The following SNX12 variants were observed in gnomAD, a reference collection of about 807,000 sequenced individuals.
SNX12 encodes sorting nexin-12.
For missense variants in SNX12, 62 were observed against 141.3 expected (o/e 0.44, Z 2.84); for synonymous variants, 47 against 56.0 (o/e 0.84, Z 0.71).
chrX:71,060,755 G>T lies in SNX12; in HGVS notation c.*261C>A. On this transcript the variant is annotated 3_prime_UTR_variant, in exon 4 of 4. Transcript: ENST00000374274. ...GGCATGGGTAAATGCCCAAGAAATT[G>T]CCTTCCAGTCTAATCCCCCCACCCA... The T allele has an allele frequency of 2.3e-5, 4 of 172,844 alleles. No homozygotes were observed. Among genetic ancestry groups the T allele is most frequent in the Non-Finnish European group, 4.3e-5 (4 of 93,509 alleles). 14.2% of individuals were successfully genotyped at this position (172,844 alleles called of 1,213,427 possible).
At chrX:71,068,076 T>G in intron 1 of SNX12, 66 bp downstream of exon 1, 7 of 868,554 alleles carry the variant, frequency 8.1e-6, no homozygotes, top group Non-Finnish European at 9.0e-6. Context: ...CGCGGTAGCC[T>G]CCCTCCCCCC....
chrX:71,060,482 G>C lies in SNX12; in HGVS notation c.*534C>G, dbSNP rs1400624900. On this transcript the variant is annotated 3_prime_UTR_variant, in exon 4 of 4. Coordinates refer to ENST00000374274, the MANE Select transcript of SNX12 (RefSeq NM_013346.4). ...CTGCCATGGAAAGCAACAAGGGAGAGAGAAAGCAACAAAAGAAACTGTTAA... is the reference window on the plus strand; with the variant it reads ...CTGCCATGGAAAGCAACAAGGGAGACAGAAAGCAACAAAAGAAACTGTTAA... The C allele has an allele frequency of 8.7e-6, 1 of 114,436 alleles. No individual in the cohort carries two copies. The highest frequency in any genetic ancestry group is 1.8e-5 in the Non-Finnish European group (1 of 55,171). The allele number at this position is 114,436 out of a possible 1,213,427, so 9.4% of individuals were successfully genotyped here. A position where few individuals can be genotyped will look rare whatever the true frequency, so the allele number is the denominator to read the frequency against.
upstream of SNX12, among the ~76,000 whole-genome samples, chrX:71,070,400 C>T (rs1308885383): frequency 2.7e-5 from 3 of 111,504 alleles, no homozygotes; most frequent in African/African-American, 6.5e-5. Context: ...ACGACTTGTA[C>T]GTGATTAGAT....
upstream of SNX12, among the ~76,000 whole-genome samples, chrX:71,068,728 A>G (rs780717225): frequency 5.0e-4 from 56 of 112,730 alleles, no homozygotes; most frequent in Non-Finnish European, 9.8e-4. Flanking sequence ...GCCGAAGCCC[A>G]GTGACCTGAA....
At chrX:71,071,921 C>T (rs1386406488), upstream of SNX12, among the ~76,000 whole-genome samples, 1 of 107,090 alleles carries the variant, frequency 9.3e-6, no homozygotes, top group African/African-American at 3.4e-5. Flanking sequence ...AAATGTAAAA[C>T]TATTTCCATT....
chrX:71,068,084 C>A (rs1260970089), intron 1 of SNX12, 58 bp downstream of exon 1: 156 of 1,073,739 alleles, frequency 1.5e-4, no homozygotes, highest in Non-Finnish European at 1.8e-4. Context: ...CCTCCCTCCC[C>A]CCTCCCGCTC....
intron 3 of SNX12, 70 bp from the exon 4 acceptor site, chrX:71,061,188 T>C: frequency 1.1e-6 from 1 of 920,256 alleles, no homozygotes; most frequent in Non-Finnish European, 1.5e-6. Flanking sequence ...GATGGGGATG[T>C]GGACAGGGGA....
chrX:71,067,541 C>T (rs2092158127), intron 1 of SNX12, among the ~76,000 whole-genome samples: 1 of 112,121 alleles, frequency 8.9e-6, no homozygotes, highest in Non-Finnish European at 1.9e-5. Flanking sequence ...CCTTCAGATG[C>T]TGATCCGACA....
At chrX:71,069,963 AAGAAAAG>A (rs1231100080), upstream of SNX12, among the ~76,000 whole-genome samples, 7 of 56,455 alleles carry the variant, frequency 1.2e-4, no homozygotes, top group South Asian at 5.1e-4. Flanking sequence ...AGAAAAGGAA[AAGAAAAG>A]AGAGAGAGAG....
intron 1 of SNX12, among the ~76,000 whole-genome samples, chrX:71,064,806 C>T (rs2092145430): frequency 8.8e-6 from 1 of 113,039 alleles, no homozygotes; most frequent in Admixed American, 9.3e-5. Flanking sequence ...CTAGTTATCT[C>T]CTTTCTCCAC....
upstream of SNX12, among the ~76,000 whole-genome samples, chrX:71,072,906 T>TACACAC (rs59544159): frequency 0.017 from 1,726 of 101,413 alleles, 12 homozygotes; most frequent in African/African-American, 0.036. Context: ...CTGGCTTCCA[T>TACACAC]ACACACACAC....
upstream of SNX12, among the ~76,000 whole-genome samples, chrX:71,072,906 TAC>T (rs59544159): frequency 0.31 from 31,213 of 100,794 alleles, 4,015 homozygotes; most frequent in Middle Eastern, 0.47. Context: ...CTGGCTTCCA[TAC>T]ACACACACAC....
chrX:71,059,937 C>T lies in SNX12; in HGVS notation c.*1079G>A, dbSNP rs1186422866. ...AAACAAGTGCAGGCAGTTCAATAAC[C>T]CTGTGACCACGCTGGGGAGGGCAGC... On this transcript the variant is annotated 3_prime_UTR_variant, in exon 4 of 4. Coordinates refer to ENST00000374274, the MANE Select transcript of SNX12 (RefSeq NM_013346.4). 8.9e-6 allele frequency: 1 copy of T among 111,941 alleles called. No homozygotes were observed. The highest frequency in any genetic ancestry group is 1.9e-5 in the Non-Finnish European group (1 of 53,226). The allele number at this position is 111,941 out of a possible 1,213,427, so 9.2% of individuals were successfully genotyped here.
chrX:71,065,135 C>T (rs1433759280), intron 1 of SNX12, among the ~76,000 whole-genome samples: 8 of 110,795 alleles, frequency 7.2e-5, no homozygotes, highest in South Asian at 7.5e-4. Context: ...CTTTGGGAGG[C>T]GAGGCAGGCA....
At chrX:71,073,382 T>C (rs1387165238), upstream of SNX12, 1 of 112,055 alleles carries the variant, frequency 8.9e-6, no homozygotes, top group Non-Finnish European at 1.9e-5. Context: ...AAAGAACTTC[T>C]TTCGATTCTC....
chrX:71,073,395 T>C (rs1218447706), upstream of SNX12: 1 of 112,100 alleles, frequency 8.9e-6, no homozygotes, highest in Non-Finnish European at 1.9e-5. Flanking sequence ...CGATTCTCTC[T>C]TCAGGCTGTC....
At chrX:71,068,475 G>A, upstream of SNX12, 1 of 343,330 alleles carries the variant, frequency 2.9e-6, no homozygotes, top group South Asian at 7.8e-5. Flanking sequence ...CCTGGGCCCC[G>A]GGCTCTGAAT....
intron 2 of SNX12, 80 bp from the exon 3 acceptor site, chrX:71,062,047 T>C: frequency 1.0e-6 from 1 of 962,571 alleles, no homozygotes; most frequent in South Asian, 2.5e-5. Context: ...TGTACCTCAT[T>C]TCTTATTAGG....
At position 71,061,711 on chromosome X, in the gene SNX12, T is replaced by G. The variant is rs753792243; in HGVS notation, c.386+132A>C. The G allele has an allele frequency of 5.8e-4, 335 of 575,404 alleles. 2 individuals carry two copies. The South Asian group carries it at 6.9e-3, about 12-fold the overall frequency. The allele number at this position is 575,404 out of a possible 1,213,427, so 47.4% of individuals were successfully genotyped here. ...TCACACCATTGCACTCCAGCCTAGGTGACAGAGTGAGACTCTGTCTCAAAT... is the reference window on the plus strand; with the variant it reads ...TCACACCATTGCACTCCAGCCTAGGGGACAGAGTGAGACTCTGTCTCAAAT... On this transcript the variant is annotated intron_variant, in intron 3 of 3. Transcript: ENST00000374274.
Sources: allele counts gnomAD v4.1 joint callset (sites outside exome capture counted in the v4.1 genomes callset), GRCh38; gene constraint gnomAD v4.1.1; transcripts MANE v1.5; gene names NCBI Gene and HGNC (gene_info 2026-07-23, HGNC 2026-07-21).